THY1: variants seen among roughly 807,000 people sequenced by gnomAD.
The protein encoded by THY1 is Thy-1 cell surface antigen.
In THY1, 10 loss-of-function variants were observed where a neutral mutation model predicts 14.9. The observed-to-expected ratio is 0.67, with a 90% CI of 0.41 to 1.14. The LOEUF is 1.14. Among genes scored for constraint, THY1 ranks in the 50% most tolerant of loss-of-function variants. The probability of loss-of-function intolerance (pLI) is 0.00; values close to 1 mark genes in which losing one functional copy is unlikely to be tolerated. For missense variants in THY1, 159 were observed against 202.1 expected (o/e 0.79, Z 1.29); for synonymous variants, 80 against 90.0 (o/e 0.89, Z 0.63).
intron 2 of THY1, chr11:119,420,608 A>G: frequency 1.6e-6 from 1 of 628,832 alleles, no homozygotes; most frequent in Non-Finnish European, 2.7e-6. Flanking sequence ...AGGACAGGAG[A>G]TCTTAGGGAG....
intron 1 of THY1, 97 bp downstream of exon 1, chr11:119,423,016 C>T (rs1300382877): frequency 2.2e-6 from 1 of 455,806 alleles, no homozygotes; most frequent in Non-Finnish European, 4.4e-6. Flanking sequence ...TCCCTGGGCG[C>T]CCTCGGACCG....
At chr11:119,423,288 T>TG (rs1316615820), upstream of THY1, 22 of 105,216 alleles carry the variant, frequency 2.1e-4, no homozygotes, top group African/African-American at 7.8e-4. Context: ...CAGGGTGGGG[T>TG]GGGGGGTGGG....
At chr11:119,420,809 T>G in intron 2 of THY1, 60 bp downstream of exon 2, 1 of 1,602,554 alleles carries the variant, frequency 6.2e-7, no homozygotes, top group Non-Finnish European at 8.5e-7. Context: ...GAGAAGCTGC[T>G]TCTCTGGAGG....
At chr11:119,421,810 A>T (rs887516819) in intron 1 of THY1, 4 of 152,222 alleles carry the variant, frequency 2.6e-5, no homozygotes, top group Non-Finnish European at 5.9e-5. Context: ...TGGAGGAGAG[A>T]AAGACATAGT....
chr11:119,424,222 A>G (rs911967559), upstream of THY1: 2 of 152,276 alleles, frequency 1.3e-5, no homozygotes, highest in Non-Finnish European at 2.9e-5. Flanking sequence ...GGCACTCCTG[A>G]TAACCCACCG....
Position 119,418,392 on chromosome 11 carries a change from C to A in THY1, c.*1016G>T, listed in dbSNP as rs766366738. The stretch of plus-strand genomic sequence containing the variant: ...AGAAGTCCCTGAGAAGGCAGGCCTG[C>A]GGGGCAGGGGGCTGTCTGAGGGGCT... On this transcript the variant is annotated 3_prime_UTR_variant, in exon 4 of 4. Transcript: ENST00000284240. The A allele has an allele frequency of 6.6e-6, 1 of 152,290 alleles. No homozygotes were observed. The highest frequency in any genetic ancestry group is 1.9e-4 in the East Asian group (1 of 5,196). 9.4% of individuals were successfully genotyped at this position (152,290 alleles called of 1,614,324 possible).
At chr11:119,421,041 T>C in intron 1 of THY1, 112 bp from the exon 2 acceptor site, 1 of 913,828 alleles carries the variant, frequency 1.1e-6, no homozygotes, top group Non-Finnish European at 1.8e-6. Flanking sequence ...AGTCCCTCTC[T>C]CCATTCCCCC....
Position 119,420,355 on chromosome 11 carries a change from G to A in THY1, c.69C>T (p.Thr23=). The A allele has an allele frequency of 6.2e-7, 1 of 1,613,746 alleles. No homozygotes were observed. The highest frequency in any genetic ancestry group is 8.5e-7 in the Non-Finnish European group (1 of 1,179,944). Residue 23 remains threonine (T), a synonymous_variant, in exon 3 of 4, where the codon ACC becomes ACT. Coordinates refer to ENST00000284240, the MANE Select transcript of THY1 (RefSeq NM_006288.5). ...GGTCCACTAGGCAGGCCGTTAGGCT[G>A]GTCACCTTCTGCCCTCGGGAGACCT... ...VLQVSRGQKV[T]SLTACLVDQS... is the part of the protein sequence containing the mutation.
At chr11:119,421,174 T>G (rs1266617284) in intron 1 of THY1, 1 of 416,358 alleles carries the variant, frequency 2.4e-6, no homozygotes, top group Admixed American at 4.0e-5. Context: ...ATGGAGCACT[T>G]ACTAGCTGGG....
chr11:119,419,306 T>G lies in THY1; in HGVS notation c.*102A>C. ...TGAGGGGTGGGGTCCCCACTTCTCCTCAAGGTTTGAGGGATTGGGGGGAGG... is the reference window on the plus strand; with the variant it reads ...TGAGGGGTGGGGTCCCCACTTCTCCGCAAGGTTTGAGGGATTGGGGGGAGG... On this transcript the variant is annotated 3_prime_UTR_variant, in exon 4 of 4. Coordinates refer to ENST00000284240, the MANE Select transcript of THY1 (RefSeq NM_006288.5). 2.7e-6 allele frequency: 3 copies of G among 1,105,650 alleles called. No individual in the cohort carries two copies. Among genetic ancestry groups the G allele is most frequent in the Non-Finnish European group, 4.1e-6 (3 of 740,382 alleles). The allele number at this position is 1,105,650 out of a possible 1,614,324, so 68.5% of individuals were successfully genotyped here.
Position 119,419,334 on chromosome 11 carries a change from G to C in THY1, c.*74C>G. On this transcript the variant is annotated 3_prime_UTR_variant, in exon 4 of 4. Transcript: ENST00000284240. ...AGGTTTGAGGGATTGGGGGGAGGGG[G>C]TCAGCTGACTCAGAGAAGTAGGATC... 1 of 1,345,724 alleles carries C rather than the reference G, an allele frequency of 7.4e-7. No homozygotes were observed. The highest frequency in any genetic ancestry group is 1.0e-6 in the Non-Finnish European group (1 of 953,916). The allele number at this position is 1,345,724 out of a possible 1,614,324, so 83.4% of individuals were successfully genotyped here.
intron 1 of THY1, chr11:119,421,771 C>T (rs956367016): frequency 6.6e-6 from 1 of 152,206 alleles, no homozygotes; most frequent in African/African-American, 2.4e-5. Context: ...CTATTCCTAT[C>T]TGGATAGGAC....
Position 119,420,834 on chromosome 11 carries a change from C to T in THY1, c.37+35G>A, listed in dbSNP as rs768915712. 1.1e-5 allele frequency: 17 copies of T among 1,613,266 alleles called. No homozygotes were observed. The East Asian group carries it at 2.2e-4, about 21-fold the overall frequency. Reference sequence around the variant, plus strand: ...TTCTCTGGAGGGAAGGAAGCCAGGGCGCCTGGAGCCCCAGTCCTGCCCCAT... The same window carrying T: ...TTCTCTGGAGGGAAGGAAGCCAGGGTGCCTGGAGCCCCAGTCCTGCCCCAT... On this transcript the variant is annotated intron_variant, in intron 2 of 3. Transcript: ENST00000284240.
In THY1 at chr11:119,416,339, C is replaced by A. The variant is rs1861776642; in HGVS notation, c.*3069G>T. On this transcript the variant is annotated 3_prime_UTR_variant, in exon 4 of 4. Coordinates refer to ENST00000284240, the MANE Select transcript of THY1 (RefSeq NM_006288.5). ...CTGGGGGCCAGCCCTCTATAATTACCTGAGTCACCACAGATACCCCACAGC... is the reference window on the plus strand; with the variant it reads ...CTGGGGGCCAGCCCTCTATAATTACATGAGTCACCACAGATACCCCACAGC... Among the ~76,000 whole-genome samples, 1 of 152,202 alleles carries A rather than the reference C, an allele frequency of 6.6e-6. No individual in the cohort carries two copies. The highest frequency in any genetic ancestry group is 1.5e-5 in the Non-Finnish European group (1 of 68,028).
In THY1 at chr11:119,416,404, G is replaced by A. The variant is rs189325097; in HGVS notation, c.*3004C>T. 1.4e-3 allele frequency among the ~76,000 whole-genome samples: 206 copies of A among 152,346 alleles called. 2 individuals are homozygous for A. The South Asian group carries it at 0.03, about 22-fold the overall frequency. Reference sequence around the variant, plus strand: ...CTGACTTGACCAGGGAGGGACCCACGGCTGTCGCGGCCTGTGGCTGAAAGT... The same window carrying A: ...CTGACTTGACCAGGGAGGGACCCACAGCTGTCGCGGCCTGTGGCTGAAAGT... On this transcript the variant is annotated 3_prime_UTR_variant, in exon 4 of 4. Coordinates refer to ENST00000284240, the MANE Select transcript of THY1 (RefSeq NM_006288.5).
Position 119,416,352 on chromosome 11 carries a change from G to C in THY1, c.*3056C>G, listed in dbSNP as rs986967765. On this transcript the variant is annotated 3_prime_UTR_variant, in exon 4 of 4. Transcript: ENST00000284240. ...CTCTATAATTACCTGAGTCACCACA[G>C]ATACCCCACAGCCTCCACAAGGCCT... Among the ~76,000 whole-genome samples, 1 of 152,206 alleles carries C rather than the reference G, an allele frequency of 6.6e-6. No individual in the cohort carries two copies. The highest frequency in any genetic ancestry group is 2.4e-5 in the African/African-American group (1 of 41,464).
At chr11:119,423,331 A>C (rs1861952724), upstream of THY1, 1 of 377,686 alleles carries the variant, frequency 2.6e-6, no homozygotes, top group Non-Finnish European at 5.3e-6. Flanking sequence ...CATTGGTGTG[A>C]GAGTGGCAGG....
In THY1 at chr11:119,420,034, T is replaced by C; in HGVS notation, c.373+17A>G. On this transcript the variant is annotated intron_variant, in intron 3 of 3. Coordinates refer to ENST00000284240, the MANE Select transcript of THY1 (RefSeq NM_006288.5). The stretch of plus-strand genomic sequence containing the variant: ...GGCTCTCCCAGCTCACTTGACCTTG[T>C]TAGGGGCTTGTCTCACCTCTGAGCA... The C allele has an allele frequency of 6.2e-7, 1 of 1,601,192 alleles. No individual in the cohort carries two copies. The highest frequency in any genetic ancestry group is 8.5e-7 in the Non-Finnish European group (1 of 1,172,890).
At chr11:119,424,415 C>T (rs1361262915), upstream of THY1, among the ~76,000 whole-genome samples, 2 of 152,156 alleles carry the variant, frequency 1.3e-5, no homozygotes, top group African/African-American at 4.8e-5. Context: ...CCTGCCTGTT[C>T]TCCTATTTCT....
Sources: gnomAD v4.1 joint callset for allele counts (sites outside exome capture counted in the v4.1 genomes callset) on GRCh38, gnomAD v4.1.1 for gene constraint, MANE v1.5 for transcripts, NCBI Gene and HGNC (gene_info 2026-07-23, HGNC 2026-07-21) for gene names.